The following FSD2 variants were observed in gnomAD, a reference collection of about 807,000 sequenced individuals.
FSD2 encodes the protein fibronectin type III and SPRY domain-containing protein 2.
In FSD2, 71 loss-of-function variants were observed where a neutral mutation model predicts 80.4. The observed-to-expected ratio is 0.88, with a 90% CI of 0.73 to 1.08. The LOEUF (loss-of-function observed/expected upper bound fraction) is 1.08, where lower values mean the gene tolerates loss of function less well. Ranked by LOEUF, FSD2 falls within the 50% of genes least tolerant of loss-of-function variation. The pLI is 0.00. For synonymous variants in FSD2, 361 were observed against 329.5 expected, an observed-to-expected ratio of 1.10 and a Z score of -1.03; for missense variants, 923 against 913.8, an observed-to-expected ratio of 1.01 and a Z score of -0.13.
At chr15:82,775,909 G>A (rs1567306561) in intron 6 of FSD2, among the ~76,000 whole-genome samples, 1 of 152,284 alleles carries the variant, frequency 6.6e-6, no homozygotes, top group East Asian at 1.9e-4. Flanking sequence ...GCTCAGGAGT[G>A]TGTTGTGTAA....
At chr15:82,791,993 G>A (rs1227658788) in intron 1 of FSD2, among the ~76,000 whole-genome samples, 1 of 152,112 alleles carries the variant, frequency 6.6e-6, no homozygotes, top group East Asian at 1.9e-4. Flanking sequence ...CAGTTGATTC[G>A]GGTGGCTTCC....
At chr15:82,797,238 G>A (rs1274797325) in intron 1 of FSD2, among the ~76,000 whole-genome samples, 3 of 152,146 alleles carry the variant, frequency 2.0e-5, no homozygotes, top group Admixed American at 6.5e-5. Flanking sequence ...TTTCATGATA[G>A]ATCACTATGT....
intron 1 of FSD2, among the ~76,000 whole-genome samples, chr15:82,789,354 T>TATAATAATAATAATAATA (rs35989908): frequency 1.6e-4 from 24 of 148,924 alleles, no homozygotes; most frequent in East Asian, 7.9e-4. Flanking sequence ...TCTAGAAGGA[T>TATAATAATAATAATAATA]ATAATAATAA....
At chr15:82,777,850 TAAA>T (rs34779936) in intron 6 of FSD2, among the ~76,000 whole-genome samples, 5 of 130,548 alleles carry the variant, frequency 3.8e-5, no homozygotes, top group Admixed American at 7.9e-5. Context: ...CTTTCTCAAT[TAAA>T]AAAAAAAAAA....
rs1169852925 is a variant in FSD2 at position 82,780,375 on chromosome 15, C to A, written c.967-108G>T. 9.0e-6 allele frequency: 7 copies of A among 773,780 alleles called. No homozygotes were observed. In the South Asian group the frequency reaches 1.2e-4, roughly 13 times the overall value. The allele number at this position is 773,780 out of a possible 1,614,324, so 47.9% of individuals were successfully genotyped here. A position where few individuals can be genotyped will look rare whatever the true frequency, so the allele number is the denominator to read the frequency against. ...TCTTAAATGGAGTCTCACTCTGTCC[C>A]CCAGGCTGGAGTGCAATGGCACAAT... On this transcript the variant is annotated intron_variant, in intron 4 of 12. Coordinates refer to ENST00000334574, the MANE Select transcript of FSD2 (RefSeq NM_001007122.4).
intron 12 of FSD2, 59 bp downstream of exon 12, chr15:82,762,043 G>A: frequency 7.3e-7 from 1 of 1,361,130 alleles, no homozygotes; most frequent in Non-Finnish European, 9.9e-7. Context: ...TAGTGAAAAG[G>A]TCTTGCTGTA....
intron 7 of FSD2, 34 bp from the exon 8 acceptor site, chr15:82,769,918 A>G: frequency 6.2e-7 from 1 of 1,610,678 alleles, no homozygotes; most frequent in Non-Finnish European, 8.5e-7. Context: ...TTCAACCCTA[A>G]AAACTGGCCA....
intron 10 of FSD2, among the ~76,000 whole-genome samples, 197 bp from the exon 11 acceptor site, chr15:82,765,495 G>A (rs1396284367): frequency 6.6e-6 from 1 of 152,066 alleles, no homozygotes; most frequent in Non-Finnish European, 1.5e-5. Context: ...CAATCCTCAC[G>A]ACGACCCTTA....
At chr15:82,800,691 C>CAAAAAAAAAAAAAAAAAAAAAAAAAA (rs769762172) in intron 1 of FSD2, among the ~76,000 whole-genome samples, 1 of 47,828 alleles carries the variant, frequency 2.1e-5, no homozygotes, top group Non-Finnish European at 3.5e-5. Flanking sequence ...GATTCTGTCT[C>CAAAAAAAAAAAAAAAAAAAAAAAAAA]AAAAAAAAAA....
intron 8 of FSD2, among the ~76,000 whole-genome samples, 185 bp downstream of exon 8, chr15:82,769,565 C>CA (rs71156049): frequency 0.16 from 22,154 of 141,734 alleles, 1,734 homozygotes; most frequent in Middle Eastern, 0.18. Context: ...GGACTCATCT[C>CA]AAAAAAAAAA....
intron 1 of FSD2, among the ~76,000 whole-genome samples, chr15:82,797,537 G>A (rs1389789451): frequency 1.3e-5 from 2 of 152,198 alleles, no homozygotes; most frequent in African/African-American, 2.4e-5. Flanking sequence ...TTGGCCAGGC[G>A]TGGTGGCTCA....
At chr15:82,778,681 T>C in intron 6 of FSD2, 85 bp downstream of exon 6, 1 of 1,427,096 alleles carries the variant, frequency 7.0e-7, no homozygotes, top group Non-Finnish European at 9.4e-7. Context: ...AGAGGATAGA[T>C]CTCATGCTAA....
intron 1 of FSD2, among the ~76,000 whole-genome samples, chr15:82,793,794 T>C (rs2050200896): frequency 6.6e-6 from 1 of 152,164 alleles, no homozygotes; most frequent in Admixed American, 6.5e-5. Context: ...TTGTTCATGG[T>C]ATTTCTTTTT....
rs751973725 is a variant in FSD2 at position 82,772,052 on chromosome 15, A to T, written c.1267+21T>A. 10 of 1,534,190 alleles carry T rather than the reference A, an allele frequency of 6.5e-6. No homozygotes were observed. In the Admixed American group the frequency reaches 2.0e-4, roughly 31 times the overall value. On this transcript the variant is annotated intron_variant, in intron 7 of 12. Coordinates refer to ENST00000334574, the MANE Select transcript of FSD2 (RefSeq NM_001007122.4). ...CTGAACTGTTCCCATGAGCACGGGC[A>T]TGTTCCTGGCAGAGCCTCACCTGCT...
intron 7 of FSD2, among the ~76,000 whole-genome samples, chr15:82,771,542 G>T (rs1193201122): frequency 2.0e-5 from 3 of 152,236 alleles, no homozygotes; most frequent in South Asian, 2.1e-4. Context: ...GCCAAGAGCT[G>T]CCCAGAGTGG....
intron 9 of FSD2, among the ~76,000 whole-genome samples, chr15:82,767,217 G>A (rs1389736487): frequency 6.6e-6 from 1 of 152,206 alleles, no homozygotes; most frequent in Non-Finnish European, 1.5e-5. Flanking sequence ...ATGTAAGATG[G>A]TAACCAAGAC....
intron 9 of FSD2, among the ~76,000 whole-genome samples, chr15:82,767,883 C>T (rs1208400586): frequency 6.6e-6 from 1 of 152,226 alleles, no homozygotes; most frequent in African/African-American, 2.4e-5. Flanking sequence ...TTCATTTCTC[C>T]AGCTCCAGGT....
At chr15:82,762,042 G>T in intron 12 of FSD2, 60 bp downstream of exon 12, 1 of 1,339,158 alleles carries the variant, frequency 7.5e-7, no homozygotes, top group Non-Finnish European at 1.0e-6. Context: ...CTAGTGAAAA[G>T]GTCTTGCTGT....
Position 82,755,770 on chromosome 15 carries a change from T to G in FSD2, c.*3578A>C. 1 of 222,078 alleles carries G rather than the reference T, an allele frequency of 4.5e-6. No individual in the cohort carries two copies. The allele number at this position is 222,078 out of a possible 1,614,324, so 13.8% of individuals were successfully genotyped here. ...CAGAAAAGATGCTGACCAGCTGGGG[T>G]CTTCTTTCCAAATAACTTTTCTCTT... On this transcript the variant is annotated 3_prime_UTR_variant, in exon 13 of 13. Coordinates refer to ENST00000334574, the MANE Select transcript of FSD2 (RefSeq NM_001007122.4).
Sources: gnomAD v4.1 joint callset for allele counts (sites outside exome capture counted in the v4.1 genomes callset) on GRCh38, gnomAD v4.1.1 for gene constraint, MANE v1.5 for transcripts, NCBI Gene and HGNC (gene_info 2026-07-23, HGNC 2026-07-21) for gene names.